The following CDH7 variants were observed in gnomAD, a reference collection of about 807,000 sequenced individuals.
CDH7 encodes cadherin-7.
In CDH7, 25 loss-of-function variants were observed where a neutral mutation model predicts 71.8. That is an observed-to-expected ratio of 0.35 (90% CI 0.25 to 0.49). The LOEUF (loss-of-function observed/expected upper bound fraction) is 0.49. CDH7 is among the 20% of genes least tolerant of loss of function. CDH7 has a pLI of 0.99. For synonymous variants in CDH7, 381 were observed against 363.8 expected (o/e 1.05, Z -0.54); for missense variants, 862 against 974.6 (o/e 0.88, Z 1.54).
intron 11 of CDH7, among the ~76,000 whole-genome samples, chr18:65,867,727 A>C (rs1409712988): frequency 6.6e-6 from 1 of 152,194 alleles, no homozygotes; most frequent in Non-Finnish European, 1.5e-5. Flanking sequence ...TTGGACTTCC[A>C]GGGCCCAGTA....
chr18:65,792,481 T>C (rs1406875771), intron 2 of CDH7, among the ~76,000 whole-genome samples: 1 of 152,124 alleles, frequency 6.6e-6, no homozygotes, highest in Non-Finnish European at 1.5e-5. Context: ...CCATTTTACC[T>C]TACAGTGTTT....
chr18:65,757,474 T>G (rs572539430), intron 1 of CDH7, among the ~76,000 whole-genome samples: 5 of 152,338 alleles, frequency 3.3e-5, no homozygotes, highest in African/African-American at 1.2e-4. Context: ...CTTATCACAG[T>G]ACTACTTGTG....
At chr18:65,762,003 T>A (rs1419813798) in intron 1 of CDH7, among the ~76,000 whole-genome samples, 2 of 152,194 alleles carry the variant, frequency 1.3e-5, no homozygotes, top group Admixed American at 1.3e-4. Context: ...TAGCATAACC[T>A]AACATGCTAC....
intron 2 of CDH7, among the ~76,000 whole-genome samples, chr18:65,782,178 CTTTCTTTCTT>C (rs1910333731): frequency 7.5e-6 from 1 of 132,734 alleles, no homozygotes; most frequent in Non-Finnish European, 1.6e-5. Context: ...TTCTTTCTTT[CTTTCTTTCTT>C]GACAGAGTCT....
chr18:65,811,470 C>T (rs570378911), intron 3 of CDH7, among the ~76,000 whole-genome samples: 44 of 152,272 alleles, frequency 2.9e-4, no homozygotes, highest in Admixed American at 3.9e-4. Context: ...CTATAATTAG[C>T]ACATATGTAA....
chr18:65,830,454 T>A (rs896240922), intron 6 of CDH7, among the ~76,000 whole-genome samples: 1 of 152,182 alleles, frequency 6.6e-6, no homozygotes, highest in African/African-American at 2.4e-5. Context: ...AGGACTGTAT[T>A]ACAATGAATA....
chr18:65,763,512 A>G (rs1598986495), intron 2 of CDH7, among the ~76,000 whole-genome samples: 3 of 152,250 alleles, frequency 2.0e-5, no homozygotes, highest in Admixed American at 2.0e-4. Context: ...GAAAAACTGC[A>G]AAATGAAACT....
Position 65,882,030 on chromosome 18 carries a change from A to G in CDH7, c.*1136A>G, listed in dbSNP as rs947494617. On this transcript the variant is annotated 3_prime_UTR_variant, in exon 12 of 12. Transcript: ENST00000397968. ...TATTTTTCAAGATCATGAGTTCTAC[A>G]TGCTCCAAAGACGATTTCAAGAACA... 1.6e-5 allele frequency: 1 copy of G among 64,360 alleles called. No individual in the cohort carries two copies. Among genetic ancestry groups the G allele is most frequent in the Non-Finnish European group, 3.3e-5 (1 of 30,010 alleles). The allele number at this position is 64,360 out of a possible 1,614,324, so 4.0% of individuals were successfully genotyped here. A position where few individuals can be genotyped will look rare whatever the true frequency, so the allele number is the denominator to read the frequency against.
chr18:65,837,042 C>T (rs1912555440), intron 6 of CDH7, among the ~76,000 whole-genome samples: 1 of 152,190 alleles, frequency 6.6e-6, no homozygotes. Flanking sequence ...AATGCATCAA[C>T]AGTGTGCACC....
intron 2 of CDH7, among the ~76,000 whole-genome samples, chr18:65,782,914 G>A (rs1265802740): frequency 6.6e-6 from 1 of 152,040 alleles, no homozygotes; most frequent in African/African-American, 2.4e-5. Context: ...ATTTTAAACA[G>A]CAAAACCACA....
chr18:65,818,489 C>A (rs1451469986), intron 4 of CDH7, among the ~76,000 whole-genome samples: 4 of 152,132 alleles, frequency 2.6e-5, no homozygotes, highest in Admixed American at 1.3e-4. Flanking sequence ...TCAATCGTGT[C>A]TTTAATAGCA....
intron 11 of CDH7, among the ~76,000 whole-genome samples, chr18:65,876,318 G>A (rs4527121): frequency 0.63 from 96,333 of 152,016 alleles, 32,211 homozygotes; most frequent in East Asian, 0.93. Context: ...TGCTGTAATA[G>A]CACTCTAACT....
chr18:65,778,529 C>CTTTTTTTTTTTTTTTTTTTG (rs1910047132), intron 2 of CDH7, among the ~76,000 whole-genome samples: 1 of 84,340 alleles, frequency 1.2e-5, no homozygotes, highest in Non-Finnish European at 2.4e-5. Flanking sequence ...GCGTCTCACT[C>CTTTTTTTTTTTTTTTTTTTG]TTTTTTTTTT....
At chr18:65,807,832 G>A (rs1023858367) in intron 2 of CDH7, among the ~76,000 whole-genome samples, 2 of 152,146 alleles carry the variant, frequency 1.3e-5, no homozygotes, top group African/African-American at 4.8e-5. Context: ...TGGAAGCACT[G>A]AGCTTCTTGA....
chr18:65,758,119 T>C (rs1916084745), intron 1 of CDH7, among the ~76,000 whole-genome samples: 3 of 152,252 alleles, frequency 2.0e-5, no homozygotes, highest in Admixed American at 2.0e-4. Context: ...CATGTTGATA[T>C]TTGTAAGAAG....
At chr18:65,759,294 G>C (rs1325030413) in intron 1 of CDH7, among the ~76,000 whole-genome samples, 1 of 149,374 alleles carries the variant, frequency 6.7e-6, no homozygotes, top group Non-Finnish European at 1.5e-5. Context: ...ACCCAGGCTA[G>C]AGTGCAGTGG....
chr18:65,828,900 C>G (rs1912230111), intron 6 of CDH7, among the ~76,000 whole-genome samples: 1 of 152,170 alleles, frequency 6.6e-6, no homozygotes, highest in South Asian at 2.1e-4. Context: ...CATATTCTAA[C>G]TCTTTCTATG....
intron 2 of CDH7, among the ~76,000 whole-genome samples, chr18:65,794,292 C>T (rs115472639): frequency 0.011 from 1,690 of 151,800 alleles, 31 homozygotes; most frequent in African/African-American, 0.038. Context: ...AGGGAACTAT[C>T]GATGATTTTG....
chr18:65,861,363 T>C (rs1374881704), intron 10 of CDH7, among the ~76,000 whole-genome samples: 1 of 147,352 alleles, frequency 6.8e-6, no homozygotes, highest in East Asian at 2.0e-4. Context: ...GTGTGTGTGA[T>C]TTTGGTATCA....
Sources: allele counts gnomAD v4.1 joint callset (sites outside exome capture counted in the v4.1 genomes callset), GRCh38; gene constraint gnomAD v4.1.1; transcripts MANE v1.5; gene names NCBI Gene and HGNC (gene_info 2026-07-23, HGNC 2026-07-21).